Variants in KAZN observed in about 807,000 individuals in gnomAD.
KAZN encodes the protein kazrin.
A neutral mutation model predicts 87.4 loss-of-function variants in KAZN; 40 were observed. That is an observed-to-expected ratio of 0.46 (90% confidence interval 0.36 to 0.60). KAZN has a LOEUF of 0.60. Ranked by LOEUF, KAZN falls within the 20% of genes least tolerant of loss-of-function variation. The pLI is 0.00. For synonymous variants in KAZN, 466 were observed against 458.3 expected, an observed-to-expected ratio of 1.02 and a Z score of -0.22; for missense variants, 898 against 1,073.9, an observed-to-expected ratio of 0.84 and a Z score of 2.29.
At position 14,831,649 on chromosome 1, in the gene KAZN, C is replaced by T. The variant is rs575565372; in HGVS notation, c.227-129035C>T. On this transcript the variant is annotated intron_variant, in intron 1 of 14. Coordinates refer to ENST00000376030, the MANE Select transcript of KAZN (RefSeq NM_201628.3). Reference sequence around the variant, plus strand: ...ATCTGACAAGAAATATTGAGCCTACCGCCGAGGTTTTACAAAAATATGAAT... The same window carrying T: ...ATCTGACAAGAAATATTGAGCCTACTGCCGAGGTTTTACAAAAATATGAAT... Among the ~76,000 whole-genome samples, 11 of 152,244 alleles carry T rather than the reference C, an allele frequency of 7.2e-5. No individual in the cohort carries two copies. The South Asian group carries it at 1.0e-3, about 14-fold the overall frequency.
Position 15,104,055 on chromosome 1 carries a change from C to T in KAZN, c.1914C>T (p.Val638=), listed in dbSNP as rs1188232803. The part of the protein sequence containing the change: ...EYADNLTNSG[V]HGAVLVLEPT... ...CAGACAACCTGACCAACAGCGGCGT[C>T]CATGGTGCTGTGCTGGTGCTGGAGC... The change falls in exon 13 of 15, where the codon GTC becomes GTT. Residue 638 remains valine (V), a synonymous_variant. Coordinates refer to ENST00000376030, the MANE Select transcript of KAZN (RefSeq NM_201628.3). The T allele has an allele frequency of 4.3e-6, 7 of 1,613,766 alleles. No individual in the cohort carries two copies. Among genetic ancestry groups the T allele is most frequent in the East Asian group, 2.2e-5 (1 of 44,876 alleles).
At position 14,419,428 on chromosome 1, in the gene KAZN, G is replaced by A. The variant is rs185454184; in HGVS notation, c.250-179555G>A. ...AGCCCATTCCCTTGTCACAGAACAT[G>A]AGTGCCCAAAGCCTGTGCTCTGTCC... On this transcript the variant is annotated intron_variant, in intron 2 of 16. Coordinates refer to the KAZN transcript ENST00000636203. Among the ~76,000 whole-genome samples, 895 of 152,236 alleles carry A rather than the reference G, an allele frequency of 5.9e-3. 7 individuals are homozygous for A. The highest frequency in any genetic ancestry group is 0.021 in the African/African-American group (865 of 41,538).
intron 1 of KAZN, among the ~76,000 whole-genome samples, chr1:14,819,225 G>A (rs1159357600): frequency 6.6e-6 from 1 of 152,140 alleles, no homozygotes; most frequent in Non-Finnish European, 1.5e-5. Flanking sequence ...AAATCATTAA[G>A]AGTCCCTTGT....
intron 1 of KAZN, among the ~76,000 whole-genome samples, chr1:14,815,327 C>T (rs756586511): frequency 2.0e-5 from 3 of 152,126 alleles, no homozygotes; most frequent in South Asian, 2.1e-4. Flanking sequence ...CATCCGGTGT[C>T]GTTGGCAGTC....
In KAZN at chr1:15,066,589, A is replaced by G. The variant is rs1639244047; in HGVS notation, c.1222+836A>G. On this transcript the variant is annotated intron_variant, in intron 8 of 14. Transcript: ENST00000376030. This position sits in a 1 kb window ranked among gnomAD's most constrained non-coding sequence, Gnocchi z 4.3. ...AAAAAGAAAAAAAGAAAATTGTTTC[A>G]TTTAATTTATTTGCACAAATGCTGA... 2 of 983,818 alleles carry G rather than the reference A, an allele frequency of 2.0e-6. No individual in the cohort carries two copies. The highest frequency in any genetic ancestry group is 2.4e-6 in the Non-Finnish European group (2 of 828,476). 60.9% of individuals were successfully genotyped at this position (983,818 alleles called of 1,614,324 possible).
intron 2 of KAZN, chr1:14,350,722 C>G (rs370896385): frequency 1.4e-4 from 22 of 152,364 alleles, no homozygotes; most frequent in African/African-American, 4.3e-4. Context: ...GGGTCTACTT[C>G]ACAGAACCAC....
intron 2 of KAZN, among the ~76,000 whole-genome samples, chr1:14,525,546 T>G (rs1671817305): frequency 9.0e-6 from 1 of 111,094 alleles, no homozygotes; most frequent in South Asian, 3.5e-4. Context: ...AATATTATGA[T>G]CCTTTTGATT....
intron 1 of KAZN, among the ~76,000 whole-genome samples, chr1:14,630,113 C>A (rs1183041566): frequency 1.3e-5 from 2 of 152,192 alleles, no homozygotes; most frequent in Non-Finnish European, 2.9e-5. Context: ...TTCCTAAAAT[C>A]TGTGGGCTCT....
At chr1:14,464,397 C>T (rs9429255) in intron 2 of KAZN, among the ~76,000 whole-genome samples, 4,142 of 152,224 alleles carry the variant, frequency 0.027, 75 homozygotes, top group Middle Eastern at 0.065. Context: ...AAATAATTGG[C>T]CTTTCTCTCC....
intron 2 of KAZN, among the ~76,000 whole-genome samples, chr1:14,988,235 C>T (rs554555584): frequency 1.3e-5 from 2 of 152,336 alleles, no homozygotes; most frequent in Non-Finnish European, 2.9e-5. Flanking sequence ...TCTCATGCCC[C>T]TACCCCAGCC....
intron 2 of KAZN, among the ~76,000 whole-genome samples, chr1:14,252,624 T>A (rs977519316): frequency 1.3e-5 from 2 of 152,342 alleles, no homozygotes; most frequent in Non-Finnish European, 2.9e-5. Context: ...ATACATTCCC[T>A]ACTCCATCCT....
chr1:14,203,328 C>A (rs1310543088), intron 2 of KAZN, among the ~76,000 whole-genome samples: 7 of 152,072 alleles, frequency 4.6e-5, no homozygotes, highest in African/African-American at 1.7e-4. Context: ...CAGGGCACAG[C>A]CATGAACCTA....
In KAZN at chr1:14,139,805, A is replaced by G. The variant is rs576069972; in HGVS notation, c.92-40630A>G. 6.6e-5 allele frequency among the ~76,000 whole-genome samples: 10 copies of G among 152,332 alleles called. No homozygotes were observed. In the East Asian group the frequency reaches 1.2e-3, roughly 18 times the overall value. On this transcript the variant is annotated intron_variant, in intron 1 of 16. Transcript: ENST00000636203. Reference sequence around the variant, plus strand: ...CTCTGGGCCTCAATTTTCTTTATCCATGAGATGAAAGGATCAGGTCAGATT... The same window carrying G: ...CTCTGGGCCTCAATTTTCTTTATCCGTGAGATGAAAGGATCAGGTCAGATT...
intron 2 of KAZN, among the ~76,000 whole-genome samples, chr1:14,384,324 T>C (rs1247133828): frequency 2.0e-5 from 3 of 152,072 alleles, no homozygotes; most frequent in Admixed American, 6.5e-5. Flanking sequence ...TCCTGCCTAA[T>C]TGCCCTGGCC....
intron 1 of KAZN, among the ~76,000 whole-genome samples, chr1:14,665,748 A>C (rs2148724808): frequency 6.6e-6 from 1 of 152,214 alleles, no homozygotes; most frequent in Non-Finnish European, 1.5e-5. Context: ...GCCCACTGTC[A>C]AGCCTGAATC....
Position 14,599,845 on chromosome 1 carries a change from C to G in KAZN, c.226+622C>G, listed in dbSNP as rs1333436670. Among the ~76,000 whole-genome samples, 1 of 152,016 alleles carries G rather than the reference C, an allele frequency of 6.6e-6. No homozygotes were observed. The highest frequency in any genetic ancestry group is 1.5e-5 in the Non-Finnish European group (1 of 68,002). On this transcript the variant is annotated intron_variant, in intron 1 of 14. Coordinates refer to ENST00000376030, the MANE Select transcript of KAZN (RefSeq NM_201628.3). This position sits in a 1 kb window ranked among gnomAD's most constrained non-coding sequence, Gnocchi z 4.4. The stretch of plus-strand genomic sequence containing the variant: ...CAAATATAAACACCGAGAGCACTTT[C>G]CAGGGGGATACTGTAGACCTCAAAG...
chr1:14,242,142 T>C (rs915693257), intron 2 of KAZN, among the ~76,000 whole-genome samples: 6 of 152,238 alleles, frequency 3.9e-5, no homozygotes, highest in Non-Finnish European at 7.3e-5. Context: ...TCTGAAGATA[T>C]GTTATACTGC....
intron 2 of KAZN, among the ~76,000 whole-genome samples, chr1:14,480,621 A>G (rs1017849621): frequency 7.3e-5 from 9 of 123,954 alleles, no homozygotes; most frequent in Admixed American, 1.9e-4. Context: ...ATGTATAAAA[A>G]TATATGTATA....
chr1:14,958,134 C>T (rs775106138), intron 1 of KAZN, among the ~76,000 whole-genome samples: 11 of 152,294 alleles, frequency 7.2e-5, no homozygotes, highest in East Asian at 1.9e-4. Context: ...TGGCTCTGCC[C>T]GCTCAGCCTC....
Sources: gnomAD v4.1 joint callset for allele counts (sites outside exome capture counted in the v4.1 genomes callset) on GRCh38, gnomAD v4.1.1 for gene constraint, Gnocchi (gnomAD v3.1) non-coding constraint, MANE v1.5 for transcripts, NCBI Gene and HGNC (gene_info 2026-07-23, HGNC 2026-07-21) for gene names.